The following CCDC60 variants were observed in gnomAD, a reference collection of about 807,000 sequenced individuals.
CCDC60 encodes the protein coiled-coil domain containing 60, also known as coiled-coil domain-containing protein 60.
Under a neutral mutation model 63.5 loss-of-function variants are expected in CCDC60, and 54 were observed. The ratio of observed to expected loss-of-function variants is 0.85; its 90% CI spans 0.68 to 1.07. The LOEUF (loss-of-function observed/expected upper bound fraction) is 1.07. Among genes scored for constraint, CCDC60 ranks in the 50% least tolerant of loss-of-function variants. The pLI, the probability that CCDC60 is intolerant of heterozygous loss-of-function variation, is 0.00. For missense variants in CCDC60, 651 were observed against 684.3 expected (o/e 0.95, Z 0.54); for synonymous variants, 206 against 238.8 (o/e 0.86, Z 1.27).
At chr12:119,419,619 A>G (rs1314683237) in intron 1 of CCDC60, among the ~76,000 whole-genome samples, 2 of 152,144 alleles carry the variant, frequency 1.3e-5, no homozygotes, top group African/African-American at 4.8e-5. Context: ...TCATTCAGCA[A>G]TGACAGAAAG....
intron 5 of CCDC60, among the ~76,000 whole-genome samples, chr12:119,491,726 T>C (rs1342322066): frequency 1.3e-5 from 2 of 150,026 alleles, no homozygotes; most frequent in South Asian, 4.2e-4. Flanking sequence ...TTTTTTTTTT[T>C]CCTTACTTGA....
intron 8 of CCDC60, among the ~76,000 whole-genome samples, chr12:119,517,846 G>A (rs578261893): frequency 1.3e-5 from 2 of 152,262 alleles, no homozygotes; most frequent in East Asian, 1.9e-4. Context: ...GGGAAGCCTC[G>A]TCCACAGACT....
intron 1 of CCDC60, 104 bp from the exon 2 acceptor site, chr12:119,428,579 C>T: frequency 2.7e-6 from 2 of 742,534 alleles, no homozygotes; most frequent in East Asian, 2.7e-5. Context: ...CTCCTTAAAC[C>T]TAGCCATACA....
At chr12:119,435,392 G>A (rs1950305366) in intron 2 of CCDC60, among the ~76,000 whole-genome samples, 1 of 152,184 alleles carries the variant, frequency 6.6e-6, no homozygotes, top group Non-Finnish European at 1.5e-5. Context: ...CATTGCTTTA[G>A]GCCTTCCAGG....
At chr12:119,349,838 T>G (rs938899849) in intron 1 of CCDC60, among the ~76,000 whole-genome samples, 1 of 152,184 alleles carries the variant, frequency 6.6e-6, no homozygotes, top group Non-Finnish European at 1.5e-5. Flanking sequence ...CAACCCAACT[T>G]TATCTTTGCC....
intron 2 of CCDC60, among the ~76,000 whole-genome samples, chr12:119,468,683 A>C (rs1185539378): frequency 3.2e-5 from 1 of 30,852 alleles, no homozygotes; most frequent in Non-Finnish European, 4.8e-5. Flanking sequence ...CTAAACAATG[A>C]AAAGAATTTT....
intron 1 of CCDC60, among the ~76,000 whole-genome samples, chr12:119,378,027 G>A (rs1955971348): frequency 6.6e-6 from 1 of 152,220 alleles, no homozygotes; most frequent in South Asian, 2.1e-4. Flanking sequence ...CAGCTCCATG[G>A]TGAAATGCAC....
intron 1 of CCDC60, among the ~76,000 whole-genome samples, chr12:119,418,355 T>TCTTTTTC (rs1288320633): frequency 6.7e-6 from 1 of 148,180 alleles, no homozygotes; most frequent in Non-Finnish European, 1.5e-5. Flanking sequence ...AGTGCTATTA[T>TCTTTTTC]CTTTTTCTTT....
At chr12:119,540,173 A>G (rs1483766817) in intron 13 of CCDC60, among the ~76,000 whole-genome samples, 1 of 152,206 alleles carries the variant, frequency 6.6e-6, no homozygotes, top group Admixed American at 6.5e-5. Flanking sequence ...AATAATCTGG[A>G]TGTGGGGGTC....
chr12:119,540,701 A>G lies in CCDC60; in HGVS notation c.1639A>G (p.Ser547Gly). ...GATCAACATACCCATTGGGCCCTAC[A>G]GCGCCCTGAGGTAGGCTGGGCCTGG... is the stretch of plus-strand genomic sequence containing the variant. Reference protein sequence around the residue: ...SRINIPIGPYSALR With the variant: ...SRINIPIGPYGALR The change falls in exon 14 of 14, where the codon AGC becomes GGC. Residue 547 changes from serine (S) to glycine (G), a missense_variant. Coordinates refer to ENST00000327554, the MANE Select transcript of CCDC60 (RefSeq NM_178499.5). 6.2e-7 allele frequency: 1 copy of G among 1,613,332 alleles called. No homozygotes were observed. The highest frequency in any genetic ancestry group is 8.5e-7 in the Non-Finnish European group (1 of 1,179,638).
chr12:119,397,233 C>T (rs914011333), intron 1 of CCDC60, among the ~76,000 whole-genome samples: 5 of 152,080 alleles, frequency 3.3e-5, no homozygotes, highest in Admixed American at 6.5e-5. Flanking sequence ...TTGCCAACAG[C>T]GAAAAAACAA....
chr12:119,401,423 G>C (rs372279131), intron 1 of CCDC60, among the ~76,000 whole-genome samples: 5 of 152,320 alleles, frequency 3.3e-5, no homozygotes, highest in African/African-American at 1.2e-4. Context: ...ATCAAATCCT[G>C]TACTCAAGGC....
chr12:119,398,733 C>G (rs1021753327), intron 1 of CCDC60, among the ~76,000 whole-genome samples: 6 of 152,244 alleles, frequency 3.9e-5, no homozygotes, highest in African/African-American at 7.2e-5. Flanking sequence ...ATTAGATAAT[C>G]TGTCTTGAGG....
intron 3 of CCDC60, among the ~76,000 whole-genome samples, chr12:119,473,093 A>T (rs1375380935): frequency 6.6e-6 from 1 of 152,240 alleles, no homozygotes; most frequent in African/African-American, 2.4e-5. Context: ...TTAGAGATGG[A>T]GAAATGAGGC....
chr12:119,368,784 G>A (rs756788199), intron 1 of CCDC60, among the ~76,000 whole-genome samples: 5 of 152,144 alleles, frequency 3.3e-5, no homozygotes, highest in African/African-American at 7.2e-5. Flanking sequence ...AACGTGGCCC[G>A]GTTGCATCTC....
chr12:119,477,191 T>A (rs948927783), intron 3 of CCDC60, among the ~76,000 whole-genome samples: 14 of 152,160 alleles, frequency 9.2e-5, no homozygotes, highest in Non-Finnish European at 2.1e-4. Context: ...TGAGTGAGCA[T>A]CCCAGGACAC....
intron 1 of CCDC60, among the ~76,000 whole-genome samples, chr12:119,399,116 G>A (rs1294469629): frequency 3.3e-5 from 5 of 152,186 alleles, no homozygotes; most frequent in Non-Finnish European, 7.3e-5. Context: ...ATAGGATGAA[G>A]GGCAGTGGGG....
intron 1 of CCDC60, among the ~76,000 whole-genome samples, chr12:119,375,695 A>G (rs1222745586): frequency 6.6e-6 from 1 of 152,204 alleles, no homozygotes; most frequent in Non-Finnish European, 1.5e-5. Context: ...CTCCCTGTAT[A>G]TGACAAAGAC....
intron 8 of CCDC60, among the ~76,000 whole-genome samples, chr12:119,519,042 T>C (rs1952426008): frequency 6.6e-6 from 1 of 152,178 alleles, no homozygotes; most frequent in Non-Finnish European, 1.5e-5. Flanking sequence ...CAGCAGACAT[T>C]AAAGCTTCAA....
Sources: allele counts gnomAD v4.1 joint callset (sites outside exome capture counted in the v4.1 genomes callset), GRCh38; gene constraint gnomAD v4.1.1; transcripts MANE v1.5; gene names NCBI Gene and HGNC (gene_info 2026-07-23, HGNC 2026-07-21).